The following EHBP1 variants were observed in gnomAD, a reference collection of about 807,000 sequenced individuals.
EHBP1 encodes EH domain-binding protein 1.
In EHBP1, 55 loss-of-function variants were observed where a neutral mutation model predicts 144.0. The observed-to-expected ratio is 0.38, with a 90% CI of 0.31 to 0.48. The LOEUF (loss-of-function observed/expected upper bound fraction) is 0.48. Ranked by LOEUF, EHBP1 falls within the 20% of genes least tolerant of loss-of-function variation. The pLI is 0.98. For synonymous variants in EHBP1, 469 were observed against 472.7 expected (o/e 0.99, Z 0.10); for missense variants, 1,200 against 1,364.2 (o/e 0.88, Z 1.90).
chr2:62,893,681 C>T (rs185513815), intron 10 of EHBP1, among the ~76,000 whole-genome samples: 1 of 152,268 alleles, frequency 6.6e-6, no homozygotes, highest in Admixed American at 6.5e-5. Context: ...AAGTTTTCCT[C>T]ATCCAAGAAA....
chr2:62,771,821 T>G (rs2041688084), intron 5 of EHBP1: 3 of 152,250 alleles, frequency 2.0e-5, no homozygotes, highest in African/African-American at 7.3e-5. Flanking sequence ...AAAAATAAAG[T>G]ATGTGGGCTG....
intron 13 of EHBP1, among the ~76,000 whole-genome samples, chr2:62,954,660 A>G (rs998871838): frequency 3.9e-5 from 6 of 152,312 alleles, no homozygotes; most frequent in Admixed American, 3.9e-4. Flanking sequence ...AGATGGTTTC[A>G]CATAATATGA....
At chr2:62,982,988 G>A (rs1310818127) in intron 15 of EHBP1, among the ~76,000 whole-genome samples, 1 of 152,136 alleles carries the variant, frequency 6.6e-6, no homozygotes, top group Non-Finnish European at 1.5e-5. Context: ...CCTAATTCTT[G>A]TGTAAATAAC....
chr2:62,795,491 A>C lies in EHBP1; in HGVS notation c.312+24099A>C, dbSNP rs371657484. Among the ~76,000 whole-genome samples the C allele has an allele frequency of 9.9e-5, 15 of 151,628 alleles. No individual in the cohort carries two copies. The East Asian group carries it at 2.5e-3, about 26-fold the overall frequency. On this transcript the variant is annotated intron_variant, in intron 5 of 22. Transcript: ENST00000431489. ...ATTCTCTGCTTATTCCCTCAGTCCA[A>C]CTCCTTTCTCCATAAGGTTCTTAAG...
At chr2:62,979,361 C>G (rs1240098251) in intron 15 of EHBP1, 26 bp downstream of exon 15, 21 of 1,608,186 alleles carry the variant, frequency 1.3e-5, no homozygotes, top group Non-Finnish European at 1.7e-5. Context: ...TTCTATCATT[C>G]TACAGACAAC....
At chr2:63,002,517 G>T (rs1488274774) in intron 19 of EHBP1, among the ~76,000 whole-genome samples, 1 of 152,046 alleles carries the variant, frequency 6.6e-6, no homozygotes, top group Non-Finnish European at 1.5e-5. Context: ...TGCTGGTTCA[G>T]TCAATGTCAC....
chr2:62,691,255 C>T (rs936201136), intron 1 of EHBP1, among the ~76,000 whole-genome samples: 9 of 152,174 alleles, frequency 5.9e-5, no homozygotes, highest in Non-Finnish European at 1.2e-4. Flanking sequence ...CAGTTCAGGG[C>T]AAATGTAGTG....
chr2:62,741,323 A>G (rs1019932162), intron 2 of EHBP1, among the ~76,000 whole-genome samples: 5 of 152,140 alleles, frequency 3.3e-5, no homozygotes, highest in Non-Finnish European at 7.3e-5. Flanking sequence ...GCCTCTCGTG[A>G]TTAACACTGC....
chr2:62,815,899 G>C (rs1333129866), intron 5 of EHBP1, among the ~76,000 whole-genome samples: 1 of 152,154 alleles, frequency 6.6e-6, no homozygotes, highest in Non-Finnish European at 1.5e-5. Flanking sequence ...TGACTATAAT[G>C]TTGCAAAGTC....
chr2:62,913,068 C>T (rs1278642696), intron 10 of EHBP1, among the ~76,000 whole-genome samples: 1 of 152,170 alleles, frequency 6.6e-6, no homozygotes, highest in Non-Finnish European at 1.5e-5. Flanking sequence ...TCTGCATTCT[C>T]CCCTCTGGAA....
At chr2:62,956,315 T>C (rs1193151443) in intron 14 of EHBP1, among the ~76,000 whole-genome samples, 1 of 152,166 alleles carries the variant, frequency 6.6e-6, no homozygotes, top group Non-Finnish European at 1.5e-5. Flanking sequence ...CACAAACATC[T>C]TCATGAATGA....
intron 10 of EHBP1, among the ~76,000 whole-genome samples, chr2:62,929,188 C>T (rs745721536): frequency 2.0e-5 from 3 of 152,168 alleles, no homozygotes; most frequent in Non-Finnish European, 4.4e-5. Flanking sequence ...TCTTCTCAAA[C>T]GTTTCCAAAA....
At chr2:62,853,043 T>C (rs1177887838) in intron 7 of EHBP1, among the ~76,000 whole-genome samples, 1 of 152,222 alleles carries the variant, frequency 6.6e-6, no homozygotes, top group Non-Finnish European at 1.5e-5. Flanking sequence ...ATGCAAAATA[T>C]ATTTACTCAT....
intron 10 of EHBP1, chr2:62,881,697 T>G (rs2051433638): frequency 6.6e-6 from 1 of 152,160 alleles, no homozygotes; most frequent in Non-Finnish European, 1.5e-5. Context: ...TTTAGAAATT[T>G]TAATACGTGA....
chr2:62,858,134 G>A (rs1381530852), intron 7 of EHBP1, among the ~76,000 whole-genome samples: 12 of 151,832 alleles, frequency 7.9e-5, no homozygotes, highest in Admixed American at 5.9e-4. Flanking sequence ...TCAACTTCTC[G>A]GGTTATTATC....
At position 63,045,080 on chromosome 2, in the gene EHBP1, G is replaced by A. The variant is rs759132389; in HGVS notation, c.3292G>A (p.Glu1098Lys). The A allele has an allele frequency of 1.3e-6, 2 of 1,566,338 alleles. No homozygotes were observed. Among genetic ancestry groups the A allele is most frequent in the South Asian group, 1.2e-5 (1 of 85,264 alleles). ...MLAIEDWQKT[E>K]AQKRREQLLL... ...GTCTTCTGCAGACTGGCAGAAGACC[G>A]AGGCCCAGAAGCGACGCGAACAGCT... The change falls in exon 22 of 23, where the codon GAG becomes AAG. Residue 1098 changes from glutamate (E) to lysine (K), a missense_variant. Transcript: ENST00000431489. The surrounding 1 kb of genome is among the most constrained non-coding windows in gnomAD (Gnocchi z 5.7).
At chr2:63,012,336 C>G (rs2153234225) in intron 19 of EHBP1, among the ~76,000 whole-genome samples, 1 of 152,140 alleles carries the variant, frequency 6.6e-6, no homozygotes, top group Non-Finnish European at 1.5e-5. Flanking sequence ...TATTCATATA[C>G]TATATCTCAC....
intron 19 of EHBP1, among the ~76,000 whole-genome samples, chr2:63,026,291 AC>A (rs2060970074): frequency 1.9e-5 from 2 of 106,334 alleles, no homozygotes; most frequent in Non-Finnish European, 3.9e-5. Context: ...ATGGCTCTCT[AC>A]CTTGTGTGTG....
chr2:62,788,210 G>T (rs1164284939), intron 5 of EHBP1, among the ~76,000 whole-genome samples: 2 of 152,110 alleles, frequency 1.3e-5, no homozygotes, highest in African/African-American at 4.8e-5. Context: ...GCTAGCTGAT[G>T]AAATGTTATA....
Sources: allele counts gnomAD v4.1 joint callset (sites outside exome capture counted in the v4.1 genomes callset), GRCh38; gene constraint gnomAD v4.1.1; non-coding constraint Gnocchi (gnomAD v3.1); transcripts MANE v1.5; gene names NCBI Gene and HGNC (gene_info 2026-07-23, HGNC 2026-07-21).